The following ROBO1 variants were observed in gnomAD, a reference collection of about 807,000 sequenced individuals.
ROBO1 encodes roundabout guidance receptor 1.
Under a neutral mutation model 195.9 loss-of-function variants are expected in ROBO1, and 149 were observed. That is an observed-to-expected ratio of 0.76 (90% CI 0.67 to 0.87). ROBO1 has a LOEUF of 0.87. Ranked by LOEUF, ROBO1 falls within the 40% of genes least tolerant of loss-of-function variation. The pLI is 0.00. For synonymous variants in ROBO1, 816 were observed against 733.2 expected, an observed-to-expected ratio of 1.11 and a Z score of -1.82; for missense variants, 1,933 against 2,068.3, an observed-to-expected ratio of 0.93 and a Z score of 1.27.
At chr3:78,985,596 C>G (rs926170775) in intron 3 of ROBO1, among the ~76,000 whole-genome samples, 4 of 152,092 alleles carry the variant, frequency 2.6e-5, no homozygotes, top group Non-Finnish European at 5.9e-5. Context: ...CCACATCATT[C>G]TTCATTACGA....
At chr3:79,519,604 G>A (rs1483202719) in intron 2 of ROBO1, among the ~76,000 whole-genome samples, 1 of 132,012 alleles carries the variant, frequency 7.6e-6, no homozygotes, top group African/African-American at 2.9e-5. Flanking sequence ...ACTCCAGCCT[G>A]GGTGACAGAG....
chr3:78,721,756 A>G (rs1329415025), intron 5 of ROBO1, among the ~76,000 whole-genome samples: 2 of 152,224 alleles, frequency 1.3e-5, no homozygotes, highest in Admixed American at 1.3e-4. Flanking sequence ...CTACAGCTTC[A>G]GTATAATACA....
chr3:78,946,342 G>A (rs1168443546), intron 3 of ROBO1, among the ~76,000 whole-genome samples: 1 of 152,204 alleles, frequency 6.6e-6, no homozygotes, highest in Non-Finnish European at 1.5e-5. Context: ...AACTCTACAA[G>A]CTAGAGGAGA....
At chr3:79,299,854 A>C (rs2032807993) in intron 2 of ROBO1, among the ~76,000 whole-genome samples, 1 of 152,130 alleles carries the variant, frequency 6.6e-6, no homozygotes, top group African/African-American at 2.4e-5. Flanking sequence ...ACTAAAAAAA[A>C]AAAAAATTGG....
chr3:79,690,704 TTA>T (rs1311167660), intron 1 of ROBO1, among the ~76,000 whole-genome samples: 1 of 152,008 alleles, frequency 6.6e-6, no homozygotes, highest in Non-Finnish European at 1.5e-5. Context: ...ACTAGAACCA[TTA>T]TACTGACTGC....
intron 10 of ROBO1, among the ~76,000 whole-genome samples, chr3:78,676,966 C>T (rs1176725007): frequency 6.6e-6 from 1 of 152,190 alleles, no homozygotes. Flanking sequence ...ATCAGACTAA[C>T]AGCGGATCTC....
At chr3:79,126,183 A>C (rs2108574116) in intron 2 of ROBO1, among the ~76,000 whole-genome samples, 1 of 152,352 alleles carries the variant, frequency 6.6e-6, no homozygotes, top group Non-Finnish European at 1.5e-5. Flanking sequence ...TGCATGACTG[A>C]AACACATCTA....
chr3:79,729,277 C>T (rs757121186), intron 1 of ROBO1, among the ~76,000 whole-genome samples: 18 of 152,198 alleles, frequency 1.2e-4, no homozygotes, highest in African/African-American at 4.1e-4. Context: ...TCTCACAGCA[C>T]GACTTGGCCT....
chr3:78,690,045 A>G (rs1379997725), intron 8 of ROBO1, among the ~76,000 whole-genome samples: 1 of 148,644 alleles, frequency 6.7e-6, no homozygotes. Context: ...TTATAAATTT[A>G]TAAATTTTAA....
chr3:79,443,512 C>T (rs2039129920), intron 2 of ROBO1, among the ~76,000 whole-genome samples: 1 of 152,044 alleles, frequency 6.6e-6, no homozygotes, highest in Admixed American at 6.6e-5. Context: ...ATGAGTGCTT[C>T]TTGAAAATTT....
chr3:79,767,115 G>A (rs546936861), intron 1 of ROBO1, among the ~76,000 whole-genome samples: 1 of 152,182 alleles, frequency 6.6e-6, no homozygotes, highest in South Asian at 2.1e-4. Context: ...ACCGCCAAGA[G>A]TTTACCAAAA....
At chr3:79,189,556 T>A (rs1232827499) in intron 2 of ROBO1, among the ~76,000 whole-genome samples, 1 of 151,644 alleles carries the variant, frequency 6.6e-6, no homozygotes, top group Non-Finnish European at 1.5e-5. Flanking sequence ...AAAGTCTGAG[T>A]CTTTGAGTTA....
At position 79,357,579 on chromosome 3, in the gene ROBO1, A is replaced by G. The variant is rs566047001; in HGVS notation, c.89-232040T>C. ...TTATCTGAAGTATTTACCTAACTGA[A>G]AACTGCAACTACAGAGAGGGTACAT... On this transcript the variant is annotated intron_variant, in intron 2 of 30. Coordinates refer to ENST00000464233, the MANE Select transcript of ROBO1 (RefSeq NM_002941.4). Among the ~76,000 whole-genome samples, 4 of 152,326 alleles carry G rather than the reference A, an allele frequency of 2.6e-5. No individual in the cohort carries two copies. The South Asian group carries it at 8.3e-4, about 32-fold the overall frequency.
intron 1 of ROBO1, among the ~76,000 whole-genome samples, chr3:79,749,912 C>T (rs1704053722): frequency 6.6e-6 from 1 of 152,196 alleles, no homozygotes; most frequent in Non-Finnish European, 1.5e-5. Flanking sequence ...ACTGGTGCAC[C>T]ACCTAGTGGA....
At chr3:79,323,746 CTT>C (rs1250279243) in intron 2 of ROBO1, among the ~76,000 whole-genome samples, 1 of 152,132 alleles carries the variant, frequency 6.6e-6, no homozygotes, top group Non-Finnish European at 1.5e-5. Flanking sequence ...TTAGAATTAA[CTT>C]TTGGAAATCC....
intron 2 of ROBO1, among the ~76,000 whole-genome samples, chr3:79,474,371 T>C (rs560087862): frequency 1.2e-4 from 19 of 152,110 alleles, no homozygotes; most frequent in Admixed American, 2.6e-4. Context: ...TGCAATCTTG[T>C]TTTCACTTTT....
rs1051742255 is a variant in ROBO1 at position 78,942,312 on chromosome 3, G to C, written c.173-3385C>G. ...AGACACTGTCTCAAAGATAAAGAAA[G>C]GAAGAAACCTGAGAGCCAGAACTTA... On this transcript the variant is annotated intron_variant, in intron 3 of 30. Coordinates refer to ENST00000464233, the MANE Select transcript of ROBO1 (RefSeq NM_002941.4). Among the ~76,000 whole-genome samples the C allele has an allele frequency of 2.0e-5, 3 of 152,032 alleles. No individual in the cohort carries two copies. The South Asian group carries it at 6.2e-4, about 32-fold the overall frequency.
chr3:79,432,118 T>A (rs2038703734), intron 2 of ROBO1, among the ~76,000 whole-genome samples: 1 of 152,078 alleles, frequency 6.6e-6, no homozygotes, highest in Non-Finnish European at 1.5e-5. Flanking sequence ...GTTTTTTAGA[T>A]TTAGCGAAAT....
At chr3:79,398,680 A>G (rs1365584797) in intron 2 of ROBO1, among the ~76,000 whole-genome samples, 1 of 152,188 alleles carries the variant, frequency 6.6e-6, no homozygotes, top group Non-Finnish European at 1.5e-5. Flanking sequence ...ACTGCAGTAC[A>G]TAAAGCTTCC....
Sources: gnomAD v4.1 joint callset for allele counts (sites outside exome capture counted in the v4.1 genomes callset) on GRCh38, gnomAD v4.1.1 for gene constraint, MANE v1.5 for transcripts, NCBI Gene and HGNC (gene_info 2026-07-23, HGNC 2026-07-21) for gene names.